CARMIL1: variants seen among roughly 807,000 people sequenced by gnomAD.
The protein encoded by CARMIL1 is capping protein regulator and myosin 1 linker 1, also known as F-actin-uncapping protein LRRC16A.
Under a neutral mutation model 177.1 loss-of-function variants are expected in CARMIL1, and 90 were observed. The ratio of observed to expected loss-of-function variants is 0.51; its 90% CI spans 0.43 to 0.61. CARMIL1 has a LOEUF of 0.61. Among genes scored for constraint, CARMIL1 ranks in the 20% least tolerant of loss-of-function variants. The probability of loss-of-function intolerance (pLI) is 0.00; values close to 1 mark genes in which losing one functional copy is unlikely to be tolerated. For missense variants in CARMIL1, 1,380 were observed against 1,667.0 expected, an observed-to-expected ratio of 0.83 and a Z score of 3.00; for synonymous variants, 577 against 606.2, an observed-to-expected ratio of 0.95 and a Z score of 0.71.
intron 2 of CARMIL1, among the ~76,000 whole-genome samples, chr6:25,390,320 A>ATTTTTTTTT (rs1287414586): frequency 6.9e-5 from 4 of 58,098 alleles, no homozygotes; most frequent in Non-Finnish European, 1.0e-4. Context: ...ATATATATAT[A>ATTTTTTTTT]TTTTTTTTTT....
chr6:25,471,206 G>A lies in CARMIL1; in HGVS notation c.728G>A (p.Ser243Asn). Residue 243 changes from serine to asparagine, a missense_variant, in exon 10 of 37, where the codon AGT becomes AAT. Transcript: ENST00000329474. ...DVCEQILRVV[S>N]RSNRLEELVL... is the part of the protein sequence containing the mutation. Reference sequence around the variant, plus strand: ...TGTGAACAGATCTTGAGGGTGGTGAGTAGGTCCAATCGACTGGAAGAATTG... The same window carrying A: ...TGTGAACAGATCTTGAGGGTGGTGAATAGGTCCAATCGACTGGAAGAATTG... The A allele has an allele frequency of 6.2e-7, 1 of 1,613,462 alleles. No homozygotes were observed. The highest frequency in any genetic ancestry group is 8.5e-7 in the Non-Finnish European group (1 of 1,179,586).
Position 25,600,510 on chromosome 6 carries a change from T to C in CARMIL1, c.3316T>C (p.Cys1106Arg), listed in dbSNP as rs1815285005. Residue 1106 changes from cysteine (C) to arginine (R), a missense_variant, in exon 33 of 37, where the codon TGT becomes CGT. Coordinates refer to ENST00000329474, the MANE Select transcript of CARMIL1 (RefSeq NM_017640.6). ...GGCAGTCAGAAGTCCACCTGTGGACTGTCCCAGGAAGGACACAAAGGCCGC... is the reference window on the plus strand; with the variant it reads ...GGCAGTCAGAAGTCCACCTGTGGACCGTCCCAGGAAGGACACAAAGGCCGC... ...KGAVRSPPVD[C>R]PRKDTKAAEH... 1 of 1,614,072 alleles carries C rather than the reference T, an allele frequency of 6.2e-7. No homozygotes were observed. Among genetic ancestry groups the C allele is most frequent in the Non-Finnish European group, 8.5e-7 (1 of 1,179,902 alleles).
At chr6:25,294,233 G>A (rs960974743) in intron 2 of CARMIL1, among the ~76,000 whole-genome samples, 3 of 152,170 alleles carry the variant, frequency 2.0e-5, no homozygotes, top group African/African-American at 7.2e-5. Flanking sequence ...AGGCAAATGT[G>A]TCTATTTCTG....
intron 27 of CARMIL1, among the ~76,000 whole-genome samples, chr6:25,551,417 G>A (rs1177935215): frequency 6.6e-6 from 1 of 152,160 alleles, no homozygotes; most frequent in Non-Finnish European, 1.5e-5. Flanking sequence ...CTAGCTTGAA[G>A]ATTGAGATCA....
chr6:25,593,760 A>G (rs2151290831), intron 31 of CARMIL1, among the ~76,000 whole-genome samples: 1 of 152,232 alleles, frequency 6.6e-6, no homozygotes, highest in South Asian at 2.1e-4. Flanking sequence ...CTGCAGAAAA[A>G]CACATTCTCT....
chr6:25,292,257 T>A (rs1300232747), intron 2 of CARMIL1, among the ~76,000 whole-genome samples: 1 of 152,142 alleles, frequency 6.6e-6, no homozygotes, highest in Non-Finnish European at 1.5e-5. Context: ...TCACTTACAG[T>A]TCTGTGCATA....
intron 2 of CARMIL1, among the ~76,000 whole-genome samples, chr6:25,389,656 G>A (rs1792548131): frequency 6.6e-6 from 1 of 152,176 alleles, no homozygotes; most frequent in Non-Finnish European, 1.5e-5. Flanking sequence ...CATGTGAAAA[G>A]GAAAAAGCAA....
At chr6:25,580,034 C>T (rs763571507) in intron 29 of CARMIL1, among the ~76,000 whole-genome samples, 2 of 152,200 alleles carry the variant, frequency 1.3e-5, no homozygotes, top group Non-Finnish European at 2.9e-5. Flanking sequence ...ACATCCCTAA[C>T]ATCCATCCAT....
intron 15 of CARMIL1, among the ~76,000 whole-genome samples, chr6:25,494,190 A>G (rs1302885907): frequency 2.6e-5 from 4 of 151,986 alleles, no homozygotes; most frequent in South Asian, 4.2e-4. Flanking sequence ...AACATTAAAT[A>G]TTATTGAATA....
intron 17 of CARMIL1, among the ~76,000 whole-genome samples, chr6:25,505,868 AG>A (rs1562227014): frequency 6.6e-6 from 1 of 152,220 alleles, no homozygotes; most frequent in Non-Finnish European, 1.5e-5. Flanking sequence ...AATAGACAAA[AG>A]TCTCTAATAC....
At chr6:25,582,070 C>G (rs1813166327) in intron 31 of CARMIL1, among the ~76,000 whole-genome samples, 3 of 152,206 alleles carry the variant, frequency 2.0e-5, no homozygotes, top group Admixed American at 2.0e-4. Context: ...AAAAAGTTTT[C>G]CTGTGCCAAT....
chr6:25,605,040 T>A (rs1815815159), intron 34 of CARMIL1, 147 bp downstream of exon 34: 1 of 656,392 alleles, frequency 1.5e-6, no homozygotes, highest in Non-Finnish European at 2.6e-6. Context: ...TGAAAGACCA[T>A]ATCCCTTCAC....
chr6:25,570,786 T>C (rs1582397728), intron 29 of CARMIL1, among the ~76,000 whole-genome samples: 2 of 152,236 alleles, frequency 1.3e-5, no homozygotes, highest in Admixed American at 6.5e-5. Context: ...GATTTAATGT[T>C]GTGTTTAGTA....
intron 29 of CARMIL1, among the ~76,000 whole-genome samples, chr6:25,571,281 A>T (rs1216860441): frequency 6.6e-6 from 1 of 152,220 alleles, no homozygotes; most frequent in African/African-American, 2.4e-5. Flanking sequence ...TCTGAGCACC[A>T]AAAAGCATAA....
At chr6:25,281,887 G>C in intron 1 of CARMIL1, among the ~76,000 whole-genome samples, 1 of 152,126 alleles carries the variant, frequency 6.6e-6, no homozygotes. Context: ...GGCCGAGGCA[G>C]GTGGATCACC....
chr6:25,582,921 A>G (rs1813262242), intron 31 of CARMIL1, among the ~76,000 whole-genome samples: 1 of 152,190 alleles, frequency 6.6e-6, no homozygotes. Context: ...CATTGTGGAC[A>G]AAGGTGAAGT....
intron 2 of CARMIL1, among the ~76,000 whole-genome samples, chr6:25,371,976 C>T (rs759762463): frequency 4.0e-4 from 61 of 152,060 alleles, no homozygotes; most frequent in Admixed American, 7.9e-4. Flanking sequence ...TGTGGCTATC[C>T]AGTTTTTTCA....
At chr6:25,546,442 G>A (rs1809472107) in intron 26 of CARMIL1, among the ~76,000 whole-genome samples, 1 of 152,130 alleles carries the variant, frequency 6.6e-6, no homozygotes, top group Non-Finnish European at 1.5e-5. Context: ...GCTCACACCT[G>A]TAATCCCAGC....
chr6:25,537,690 C>T (rs543301920), intron 24 of CARMIL1, among the ~76,000 whole-genome samples, 165 bp from the exon 25 acceptor site: 26 of 152,288 alleles, frequency 1.7e-4, no homozygotes, highest in African/African-American at 6.3e-4. Flanking sequence ...TAATTGCTTA[C>T]AAGCAGCATT....
Sources: allele counts gnomAD v4.1 joint callset (sites outside exome capture counted in the v4.1 genomes callset), GRCh38; gene constraint gnomAD v4.1.1; transcripts MANE v1.5; gene names NCBI Gene and HGNC (gene_info 2026-07-23, HGNC 2026-07-21).